The following SLC15A5 variants were observed in gnomAD, a reference collection of about 807,000 sequenced individuals.
SLC15A5 encodes the protein solute carrier family 15 member 5, also known as Peptide/histidine transporter ENSP00000340402.
SLC15A5 carries 58 observed loss-of-function variants against 56.1 expected under a neutral mutation model. That is an observed-to-expected ratio of 1.03 (90% CI 0.84 to 1.29). The LOEUF is 1.29. SLC15A5 is among the 50% of genes most tolerant of loss of function. The pLI is 0.00. For missense variants in SLC15A5, 681 were observed against 672.1 expected (o/e 1.01, Z -0.15); for synonymous variants, 264 against 250.5 (o/e 1.05, Z -0.51).
intron 7 of SLC15A5, among the ~76,000 whole-genome samples, chr12:16,212,244 A>T (rs1020715945): frequency 1.3e-5 from 2 of 152,146 alleles, no homozygotes; most frequent in African/African-American, 4.8e-5. Context: ...AATCTCTGGC[A>T]TAGAAAATTT....
intron 2 of SLC15A5, among the ~76,000 whole-genome samples, chr12:16,258,247 A>G (rs1466386521): frequency 6.6e-6 from 1 of 152,126 alleles, no homozygotes; most frequent in African/African-American, 2.4e-5. Context: ...TCATTCAAAT[A>G]CCCCTAATGA....
intron 5 of SLC15A5, among the ~76,000 whole-genome samples, chr12:16,228,438 C>T (rs1371446061): frequency 6.6e-6 from 1 of 152,206 alleles, no homozygotes; most frequent in Non-Finnish European, 1.5e-5. Context: ...TGATCTTTCT[C>T]TCTAATTCTT....
chr12:16,254,172 C>T (rs146111379), intron 3 of SLC15A5, among the ~76,000 whole-genome samples: 1 of 151,736 alleles, frequency 6.6e-6, no homozygotes, highest in East Asian at 1.9e-4. Context: ...CATGGATAAA[C>T]GTTGAGGATA....
At chr12:16,264,383 C>A (rs773184052) in intron 2 of SLC15A5, among the ~76,000 whole-genome samples, 1 of 152,210 alleles carries the variant, frequency 6.6e-6, no homozygotes, top group Non-Finnish European at 1.5e-5. Flanking sequence ...CCTGTACCCC[C>A]ATTATATCTA....
intron 6 of SLC15A5, among the ~76,000 whole-genome samples, chr12:16,219,234 G>A (rs1864162772): frequency 6.6e-6 from 1 of 152,158 alleles, no homozygotes; most frequent in Non-Finnish European, 1.5e-5. Context: ...GTAAAATACT[G>A]TGGAGAAGGG....
At chr12:16,203,296 GAT>G (rs1462911969) in intron 7 of SLC15A5, among the ~76,000 whole-genome samples, 2 of 152,012 alleles carry the variant, frequency 1.3e-5, no homozygotes, top group Non-Finnish European at 2.9e-5. Flanking sequence ...AAAAAAGAGA[GAT>G]ATTAGGCATT....
At chr12:16,201,979 C>T (rs908202724) in intron 7 of SLC15A5, among the ~76,000 whole-genome samples, 3 of 152,042 alleles carry the variant, frequency 2.0e-5, no homozygotes, top group Non-Finnish European at 2.9e-5. Flanking sequence ...TTAAAGGCCT[C>T]AATGCAAGAC....
intron 7 of SLC15A5, among the ~76,000 whole-genome samples, chr12:16,207,727 C>A (rs1234475715): frequency 1.3e-5 from 2 of 151,656 alleles, no homozygotes; most frequent in African/African-American, 4.8e-5. Context: ...AATCTTGGCT[C>A]ACTGCAACCT....
intron 7 of SLC15A5, among the ~76,000 whole-genome samples, chr12:16,211,360 G>A (rs1309720925): frequency 1.3e-5 from 2 of 152,148 alleles, no homozygotes; most frequent in Admixed American, 6.6e-5. Context: ...CCTTTTAGGA[G>A]ATCTCATTTT....
chr12:16,275,768 G>T (rs955727564), intron 1 of SLC15A5, among the ~76,000 whole-genome samples: 4 of 152,022 alleles, frequency 2.6e-5, no homozygotes, highest in Non-Finnish European at 4.4e-5. Flanking sequence ...CCTGTCTGAT[G>T]ACTGACCTCA....
At chr12:16,191,088 C>T (rs1474282833) in intron 8 of SLC15A5, among the ~76,000 whole-genome samples, 1 of 152,042 alleles carries the variant, frequency 6.6e-6, no homozygotes, top group Non-Finnish European at 1.5e-5. Context: ...ACTGGAAAGC[C>T]TCGAGTATGA....
In SLC15A5 at chr12:16,244,931, C is replaced by T. The variant is rs181665115; in HGVS notation, c.755-131G>A. 82 of 939,358 alleles carry T rather than the reference C, an allele frequency of 8.7e-5. No individual in the cohort carries two copies. In the African/African-American group the frequency reaches 1.0e-3, roughly 12 times the overall value. The allele number at this position is 939,358 out of a possible 1,614,324, so 58.2% of individuals were successfully genotyped here. The stretch of plus-strand genomic sequence containing the variant: ...AGAAAGTTTTTAGCACCCAAGGGGT[C>T]GGACTCAAAGGACCACGCTTCTGAC... On this transcript the variant is annotated intron_variant, in intron 3 of 8. Coordinates refer to ENST00000344941, the MANE Select transcript of SLC15A5 (RefSeq NM_001170798.1).
Position 16,271,613 on chromosome 12 carries a change from A to G in SLC15A5, c.584+948T>C, listed in dbSNP as rs1203526704. ...AAAAAGAAAGAAAGAGAAAAGAGGA[A>G]CTGCCTCGGATAGCTACATATGCCT... On this transcript the variant is annotated intron_variant, in intron 2 of 8. Coordinates refer to ENST00000344941, the MANE Select transcript of SLC15A5 (RefSeq NM_001170798.1). The surrounding 1 kb of genome is among the most constrained non-coding windows in gnomAD (Gnocchi z 8.0). Among the ~76,000 whole-genome samples the G allele has an allele frequency of 6.6e-6, 1 of 152,066 alleles. No homozygotes were observed. The highest frequency in any genetic ancestry group is 1.9e-4 in the East Asian group (1 of 5,182).
intron 3 of SLC15A5, 52 bp from the exon 4 acceptor site, chr12:16,244,852 T>A: frequency 6.7e-7 from 1 of 1,485,786 alleles, no homozygotes. Context: ...TTCTCCAGTT[T>A]TTCAAGATGC....
intron 2 of SLC15A5, among the ~76,000 whole-genome samples, chr12:16,258,747 C>A (rs985356195): frequency 6.6e-6 from 1 of 152,174 alleles, no homozygotes; most frequent in East Asian, 1.9e-4. Flanking sequence ...TTAGATGAGA[C>A]CCACCCAGTA....
intron 5 of SLC15A5, among the ~76,000 whole-genome samples, chr12:16,238,014 G>T (rs1864369242): frequency 6.6e-6 from 1 of 152,104 alleles, no homozygotes; most frequent in African/African-American, 2.4e-5. Context: ...AAGTCTTAAG[G>T]ATTATCAAAA....
At chr12:16,208,091 A>T (rs1242010591) in intron 7 of SLC15A5, among the ~76,000 whole-genome samples, 5 of 116,988 alleles carry the variant, frequency 4.3e-5, no homozygotes. Context: ...ATACCTCATT[A>T]AAAAACATGG....
At chr12:16,217,189 A>G (rs950786151) in intron 6 of SLC15A5, among the ~76,000 whole-genome samples, 165 bp from the exon 7 acceptor site, 2 of 152,202 alleles carry the variant, frequency 1.3e-5, no homozygotes, top group African/African-American at 2.4e-5. Flanking sequence ...CTGTGTTACA[A>G]TTTACAGATG....
chr12:16,204,640 A>T (rs1379730369), intron 7 of SLC15A5, among the ~76,000 whole-genome samples: 2 of 152,044 alleles, frequency 1.3e-5, no homozygotes, highest in African/African-American at 4.8e-5. Context: ...GCTGAAAGGA[A>T]CAGGACAGAA....
Sources: allele counts gnomAD v4.1 joint callset (sites outside exome capture counted in the v4.1 genomes callset), GRCh38; gene constraint gnomAD v4.1.1; non-coding constraint Gnocchi (gnomAD v3.1); transcripts MANE v1.5; gene names NCBI Gene and HGNC (gene_info 2026-07-23, HGNC 2026-07-21).